The following E2F8 variants were observed in gnomAD, a reference collection of about 807,000 sequenced individuals.
The protein encoded by E2F8 is E2F transcription factor 8.
E2F8 carries 35 observed loss-of-function variants against 80.8 expected under a neutral mutation model. The observed-to-expected ratio is 0.43, with a 90% confidence interval of 0.33 to 0.57. E2F8 has a LOEUF of 0.57. Among genes scored for constraint, E2F8 ranks in the 20% least tolerant of loss-of-function variants. The probability of loss-of-function intolerance (pLI) is 0.04; values close to 1 mark genes in which losing one functional copy is unlikely to be tolerated. For missense variants in E2F8, 975 were observed against 1,056.2 expected (o/e 0.92, Z 1.07); for synonymous variants, 386 against 395.0 (o/e 0.98, Z 0.27).
In E2F8 at chr11:19,225,634, A is replaced by C. The variant is rs769963877; in HGVS notation, c.2027-19T>G. ...ATAACACCTGGAAGGAAAAGGGGGAAGATATCTTAAAAGCACAGGCATTTA... is the reference window on the plus strand; with the variant it reads ...ATAACACCTGGAAGGAAAAGGGGGACGATATCTTAAAAGCACAGGCATTTA... On this transcript the variant is annotated intron_variant, in intron 11 of 12. Coordinates refer to ENST00000250024, the MANE Select transcript of E2F8 (RefSeq NM_024680.4). 25 of 1,611,116 alleles carry C rather than the reference A, an allele frequency of 1.6e-5. No individual in the cohort carries two copies. Among genetic ancestry groups the C allele is most frequent in the Non-Finnish European group, 2.0e-5 (24 of 1,177,796 alleles).
Position 19,231,192 on chromosome 11 carries a change from A to G in E2F8, c.1067-358T>C, listed in dbSNP as rs538853176. 1.6e-4 allele frequency among the ~76,000 whole-genome samples: 24 copies of G among 152,274 alleles called. No individual in the cohort carries two copies. In the South Asian group the frequency reaches 4.6e-3, roughly 29 times the overall value. ...GGTGATCCTCACAGCTCCATGAGGT[A>G]ACTGTTCCTCAAGAAATGCAGCCCT... On this transcript the variant is annotated intron_variant, in intron 7 of 12. Coordinates refer to ENST00000250024, the MANE Select transcript of E2F8 (RefSeq NM_024680.4).
intron 5 of E2F8, 46 bp from the exon 6 acceptor site, chr11:19,234,567 C>A (rs1851463605): frequency 6.3e-7 from 1 of 1,599,134 alleles, no homozygotes; most frequent in Non-Finnish European, 8.5e-7. Flanking sequence ...CATAAAGGGA[C>A]AAGTGACTTC....
chr11:19,236,081 T>C (rs1341612495), intron 4 of E2F8, among the ~76,000 whole-genome samples: 1 of 152,246 alleles, frequency 6.6e-6, no homozygotes, highest in Non-Finnish European at 1.5e-5. Context: ...TCAGCCTTTC[T>C]GGAAAAGTGA....
At chr11:19,230,925 AAGTTAC>A (rs1237113185) in intron 7 of E2F8, 91 bp from the exon 8 acceptor site, 19 of 1,200,980 alleles carry the variant, frequency 1.6e-5, no homozygotes, top group African/African-American at 3.1e-5. Context: ...TAAAAGTGGC[AAGTTAC>A]AGAGCACCGA....
chr11:19,233,485 T>C (rs1851431087), intron 6 of E2F8, among the ~76,000 whole-genome samples: 1 of 152,064 alleles, frequency 6.6e-6, no homozygotes, highest in Admixed American at 6.5e-5. Context: ...GAACAGATTC[T>C]TCTAGTGTTT....
At chr11:19,231,360 T>C (rs1851376345) in intron 7 of E2F8, among the ~76,000 whole-genome samples, 1 of 152,216 alleles carries the variant, frequency 6.6e-6, no homozygotes, top group African/African-American at 2.4e-5. Context: ...CGAAAGGACC[T>C]CTCTCTGAGA....
rs758176781 is a variant in E2F8, at chr11:19,230,719, G to A, written c.1182C>T (p.His394=). 3.1e-6 allele frequency: 5 copies of A among 1,614,048 alleles called. No homozygotes were observed. The highest frequency in any genetic ancestry group is 4.5e-5 in the East Asian group (2 of 44,892). ...STRGKPNFTR[H]PSLIKLVKSI... ...TCTTTACCAATTTGATAAGAGATGG[G>A]TGTCGAGTAAAGTTTGGTTTCCCAC... Residue 394 remains histidine (H), a synonymous_variant, in exon 8 of 13, where the codon CAC becomes CAT. Transcript: ENST00000250024.
At chr11:19,234,604 C>A (rs147587267) in intron 5 of E2F8, 83 bp from the exon 6 acceptor site, 133 of 1,561,926 alleles carry the variant, frequency 8.5e-5, no homozygotes, top group Middle Eastern at 5.2e-4. Context: ...AAAATACTAC[C>A]ACCTGATCAT....
In E2F8 at chr11:19,224,679, G is replaced by T; in HGVS notation, c.2583C>A (p.Val861=). 3 of 1,614,048 alleles carry T rather than the reference G, an allele frequency of 1.9e-6. No homozygotes were observed. The highest frequency in any genetic ancestry group is 1.7e-6 in the Non-Finnish European group (2 of 1,180,024). ...TLFVPQRKLE[V]STEDVH is the part of the protein sequence containing the mutation. Reference sequence around the variant, plus strand: ...TTGATTAATGGACATCCTCTGTTGAGACTTCCAGTTTTCGCTGTGGGACAA... The same window carrying T: ...TTGATTAATGGACATCCTCTGTTGATACTTCCAGTTTTCGCTGTGGGACAA... The change falls in exon 13 of 13, where the codon GTC becomes GTA. Residue 861 remains valine (V), a synonymous_variant. Coordinates refer to ENST00000250024, the MANE Select transcript of E2F8 (RefSeq NM_024680.4).
rs548844752 is a variant in E2F8, at chr11:19,226,829, T to A, written c.1894-965A>T. Among the ~76,000 whole-genome samples, 4 of 152,292 alleles carry A rather than the reference T, an allele frequency of 2.6e-5. No homozygotes were observed. In the South Asian group the frequency reaches 8.3e-4, roughly 32 times the overall value. The stretch of plus-strand genomic sequence containing the variant: ...CTAATGATAACAAGCAGTCTTAAAA[T>A]ACGCAAAGTACACCAGAGTTAAAAA... On this transcript the variant is annotated intron_variant, in intron 10 of 12. Coordinates refer to ENST00000250024, the MANE Select transcript of E2F8 (RefSeq NM_024680.4).
In E2F8 at chr11:19,237,988, C is replaced by T. The variant is rs562521751; in HGVS notation, c.160G>A (p.Gly54Arg). 23 of 1,614,196 alleles carry T rather than the reference C, an allele frequency of 1.4e-5. No individual in the cohort carries two copies. The East Asian group carries it at 4.5e-4, about 31-fold the overall frequency. ...TPTKPKEGSQ[G>R]EPWTPTANLK... ...TTGGCTGTCGGTGTCCACGGCTCTC[C>T]CTGAGAGCCTTCCTTGGGCTTGGTA... Residue 54 changes from glycine (G) to arginine (R), a missense_variant, in exon 3 of 13, where the codon GGA becomes AGA. Gly to Arg is a moderately radical substitution (Grantham distance 125). Transcript: ENST00000250024.
chr11:19,235,380 G>T (rs1307247953), intron 4 of E2F8, among the ~76,000 whole-genome samples: 1 of 152,196 alleles, frequency 6.6e-6, no homozygotes, highest in Non-Finnish European at 1.5e-5. Flanking sequence ...CGGGTGCGGT[G>T]GCTCACACCT....
intron 10 of E2F8, among the ~76,000 whole-genome samples, chr11:19,228,650 G>C (rs945049589): frequency 2.0e-5 from 3 of 152,156 alleles, no homozygotes; most frequent in African/African-American, 7.2e-5. Flanking sequence ...ACAGAGAGAA[G>C]TAAAATAGCT....
chr11:19,234,370 G>A lies in E2F8; in HGVS notation c.918C>T (p.Ser306=). 6.2e-7 allele frequency: 1 copy of A among 1,613,810 alleles called. No homozygotes were observed. ...AGTCATGACACTTACTTTTAAACTTGCTTTTATCCAAATCTTCCACATGGT... is the reference window on the plus strand; with the variant it reads ...AGTCATGACACTTACTTTTAAACTTACTTTTATCCAAATCTTCCACATGGT... ...GEDHVEDLDK[S]KFKTKIRRLY... The change falls in exon 6 of 13, where the codon AGC becomes AGT. Residue 306 remains serine, a synonymous_variant. Coordinates refer to ENST00000250024, the MANE Select transcript of E2F8 (RefSeq NM_024680.4).
rs761669217 is a variant in E2F8 at position 19,229,800 on chromosome 11, G to A, written c.1547C>T (p.Pro516Leu). 2.5e-6 allele frequency: 4 copies of A among 1,613,958 alleles called. No individual in the cohort carries two copies. The highest frequency in any genetic ancestry group is 2.2e-5 in the South Asian group (2 of 91,060). Residue 516 changes from proline (P) to leucine (L), a missense_variant, in exon 10 of 13, where the codon CCT becomes CTT. Pro to Leu is a moderately conservative substitution (Grantham distance 98). Coordinates refer to ENST00000250024, the MANE Select transcript of E2F8 (RefSeq NM_024680.4). The surrounding 1 kb of genome is among the most constrained non-coding windows in gnomAD (Gnocchi z 4.3). ...GTAGATGGCATAGGATGGGCCTGAAGGGGCCTGAGGTAGGATCAGGGGCAC... is the reference window on the plus strand; with the variant it reads ...GTAGATGGCATAGGATGGGCCTGAAAGGGCCTGAGGTAGGATCAGGGGCAC... ...SAVPLILPQAPSGPSYAIYLQ... is the reference protein window; with the variant it reads ...SAVPLILPQALSGPSYAIYLQ...
chr11:19,234,617 A>G, intron 5 of E2F8, 96 bp from the exon 6 acceptor site: 1 of 1,542,878 alleles, frequency 6.5e-7, no homozygotes, highest in Non-Finnish European at 8.8e-7. Context: ...CTGATCATAC[A>G]GCTGACAACT....
intron 2 of E2F8, among the ~76,000 whole-genome samples, chr11:19,239,722 T>C (rs1357441815): frequency 6.6e-6 from 1 of 151,506 alleles, no homozygotes; most frequent in African/African-American, 2.4e-5. Context: ...TTACACTCTT[T>C]CTAGTTTTTA....
Position 19,230,835 on chromosome 11 carries a change from C to A in E2F8, c.1067-1G>T. 2 of 1,613,930 alleles carry A rather than the reference C, an allele frequency of 1.2e-6. No homozygotes were observed. The highest frequency in any genetic ancestry group is 1.7e-6 in the Non-Finnish European group (2 of 1,179,898). ...GTAAAATGAATGACTGGGCTGGAGC[C>A]TGAAACAGAAAACGTCTGTGTATTA... On this transcript the variant is annotated splice_acceptor_variant, in intron 7 of 12. Coordinates refer to ENST00000250024, the MANE Select transcript of E2F8 (RefSeq NM_024680.4). LOFTEE classifies it high-confidence loss of function.
At chr11:19,238,781 TAC>T (rs1565073494) in intron 2 of E2F8, among the ~76,000 whole-genome samples, 1 of 152,230 alleles carries the variant, frequency 6.6e-6, no homozygotes, top group Admixed American at 6.5e-5. Flanking sequence ...TCCCTCATTT[TAC>T]AGATAGAGAA....
Sources: gnomAD v4.1 joint callset for allele counts (sites outside exome capture counted in the v4.1 genomes callset) on GRCh38, gnomAD v4.1.1 for gene constraint, Gnocchi (gnomAD v3.1) non-coding constraint, MANE v1.5 for transcripts, NCBI Gene and HGNC (gene_info 2026-07-23, HGNC 2026-07-21) for gene names.